FGD5: variants seen among roughly 807,000 people sequenced by gnomAD.
FGD5 encodes the protein FYVE, RhoGEF and PH domain containing 5, also known as FYVE, RhoGEF and PH domain-containing protein 5.
In FGD5, 28 loss-of-function variants were observed where a neutral mutation model predicts 133.4. The ratio of observed to expected loss-of-function variants is 0.21; its 90% CI spans 0.16 to 0.29. The LOEUF is 0.29. Among genes scored for constraint, FGD5 ranks in the 10% least tolerant of loss-of-function variants. The pLI, the probability that FGD5 is intolerant of heterozygous loss-of-function variation, is 1.00. For missense variants in FGD5, 1,858 were observed against 1,895.2 expected (o/e 0.98, Z 0.36); for synonymous variants, 810 against 776.5 (o/e 1.04, Z -0.72).
chr3:14,884,780 C>T lies in FGD5; in HGVS notation c.2748+4008C>T, dbSNP rs145669492. Among the ~76,000 whole-genome samples, 234 of 152,180 alleles carry T rather than the reference C, an allele frequency of 1.5e-3. 1 individual carries two copies. The highest frequency in any genetic ancestry group is 5.2e-3 in the African/African-American group (215 of 41,516). On this transcript the variant is annotated intron_variant, in intron 4 of 19. Coordinates refer to ENST00000285046, the MANE Select transcript of FGD5 (RefSeq NM_152536.4). The stretch of plus-strand genomic sequence containing the variant: ...CCGGAGGTGTCTTCATGTAGGCAGC[C>T]GAAGGCCCATGGGAAGTGACCAACT...
At chr3:14,872,549 T>C (rs1026075131) in intron 2 of FGD5, among the ~76,000 whole-genome samples, 1 of 152,170 alleles carries the variant, frequency 6.6e-6, no homozygotes, top group South Asian at 2.1e-4. Context: ...CAAGTTTACA[T>C]ATTCAGCAAA....
At chr3:14,853,522 G>A (rs2037207849) in intron 1 of FGD5, among the ~76,000 whole-genome samples, 1 of 151,972 alleles carries the variant, frequency 6.6e-6, no homozygotes, top group Non-Finnish European at 1.5e-5. Context: ...TCTCGGAGGG[G>A]CTGGGAGAAG....
chr3:14,909,487 T>C (rs187382671), intron 10 of FGD5, among the ~76,000 whole-genome samples: 1 of 152,338 alleles, frequency 6.6e-6, no homozygotes, highest in African/African-American at 2.4e-5. Flanking sequence ...TGGTTAGTAA[T>C]TGTATGCGCC....
At chr3:14,916,097 C>G (rs2038548606) in intron 11 of FGD5, among the ~76,000 whole-genome samples, 1 of 152,300 alleles carries the variant, frequency 6.6e-6, no homozygotes, top group South Asian at 2.1e-4. Flanking sequence ...GTTTAGTGGG[C>G]TTATTCTGGT....
At position 14,897,039 on chromosome 3, in the gene FGD5, T is replaced by C. The variant is rs182387576; in HGVS notation, c.2749-470T>C. On this transcript the variant is annotated intron_variant, in intron 4 of 19. Transcript: ENST00000285046. ...AATATTTCTACATAGCCACCACCTT[T>C]ATCATTTTTAGTGACAGCTTAATAT... The C allele has an allele frequency of 7.3e-4, 119 of 164,076 alleles. 1 individual carries two copies. The highest frequency in any genetic ancestry group is 2.6e-3 in the African/African-American group (107 of 41,644). 10.2% of individuals were successfully genotyped at this position (164,076 alleles called of 1,614,324 possible).
rs148628720 is a variant in FGD5, at chr3:14,848,748, C to A, written c.2526-15380C>A. 6.0e-3 allele frequency among the ~76,000 whole-genome samples: 910 copies of A among 152,278 alleles called. 12 individuals are homozygous for A. Among genetic ancestry groups the A allele is most frequent in the African/African-American group, 0.021 (872 of 41,552 alleles). On this transcript the variant is annotated intron_variant, in intron 1 of 19. Coordinates refer to ENST00000285046, the MANE Select transcript of FGD5 (RefSeq NM_152536.4). ...GCAAGTGTAGGACCTAAAGCTTCAGCCCCATTAGCTTAGCTAGTAGTCAGG... is the reference window on the plus strand; with the variant it reads ...GCAAGTGTAGGACCTAAAGCTTCAGACCCATTAGCTTAGCTAGTAGTCAGG...
chr3:14,877,198 C>T (rs1427054736), intron 2 of FGD5, among the ~76,000 whole-genome samples: 1 of 152,248 alleles, frequency 6.6e-6, no homozygotes, highest in Non-Finnish European at 1.5e-5. Context: ...ATTAAATGGC[C>T]CAGTTGGGCA....
At chr3:14,897,776 A>G in intron 5 of FGD5, 107 bp downstream of exon 5, 1 of 1,458,646 alleles carries the variant, frequency 6.9e-7, no homozygotes. Context: ...TTGATGGGAA[A>G]GCCGAACTCC....
intron 18 of FGD5, 109 bp downstream of exon 18, chr3:14,926,307 C>T (rs2038802256): frequency 1.4e-6 from 2 of 1,461,062 alleles, no homozygotes; most frequent in Non-Finnish European, 1.9e-6. Flanking sequence ...GGCTGCTGAG[C>T]CAGTTCTGGT....
rs769271875 is a variant in FGD5, at chr3:14,819,701, C to T, written c.630C>T (p.Pro210=). The T allele has an allele frequency of 1.8e-5, 28 of 1,537,016 alleles. No homozygotes were observed. The Middle Eastern group carries it at 5.1e-4, about 28-fold the overall frequency. The part of the protein sequence containing the change: ...HGEDQEPPDT[P]GEAEEDDEEG... Reference sequence around the variant, plus strand: ...AGGACCAGGAGCCCCCCGACACCCCCGGGGAGGCAGAGGAGGATGATGAGG... The same window carrying T: ...AGGACCAGGAGCCCCCCGACACCCCTGGGGAGGCAGAGGAGGATGATGAGG... The change falls in exon 1 of 20, where the codon CCC becomes CCT. Residue 210 remains proline (P), a synonymous_variant. Transcript: ENST00000285046. The surrounding 1 kb of genome is among the most constrained non-coding windows in gnomAD (Gnocchi z 4.1).
chr3:14,923,033 C>T lies in FGD5; in HGVS notation c.3808-13C>T. ...ACTGAGAGGGGTGAGAATCTTCCCACCTGGGCCTGCAGATCGTGTGCCGGA... is the reference window on the plus strand; with the variant it reads ...ACTGAGAGGGGTGAGAATCTTCCCATCTGGGCCTGCAGATCGTGTGCCGGA... On this transcript the variant is annotated splice_polypyrimidine_tract_variant and intron_variant, in intron 15 of 19. Coordinates refer to ENST00000285046, the MANE Select transcript of FGD5 (RefSeq NM_152536.4). The T allele has an allele frequency of 6.2e-7, 1 of 1,613,752 alleles. No homozygotes were observed. Among genetic ancestry groups the T allele is most frequent in the Non-Finnish European group, 8.5e-7 (1 of 1,179,806 alleles).
rs370992881 is a variant in FGD5 at position 14,820,987 on chromosome 3, A to G, written c.1916A>G (p.Glu639Gly). Residue 639 changes from glutamate to glycine, a missense_variant, in exon 1 of 20, where the codon GAG (glutamate) becomes GGG (glycine). Physicochemically the swap from Glu to Gly is moderately conservative, Grantham distance 98. Around this residue, in one of 3 missense-constraint regions of FGD5, gnomAD observed 1,824 missense variants for 1,848.9 expected, o/e 0.99. Coordinates refer to ENST00000285046, the MANE Select transcript of FGD5 (RefSeq NM_152536.4). ...ITKSSPSLLI[E>G]SDSPDKYKKK... Reference sequence around the variant, plus strand: ...AAGAGCTCTCCCTCACTCCTGATCGAGAGCGACTCCCCGGACAAGTACAAG... The same window carrying G: ...AAGAGCTCTCCCTCACTCCTGATCGGGAGCGACTCCCCGGACAAGTACAAG... The G allele has an allele frequency of 1.5e-5, 25 of 1,613,774 alleles. No homozygotes were observed. The Middle Eastern group carries it at 1.3e-3, about 85-fold the overall frequency.
intron 2 of FGD5, among the ~76,000 whole-genome samples, chr3:14,877,402 A>G (rs1000667123): frequency 6.6e-6 from 1 of 152,110 alleles, no homozygotes; most frequent in Non-Finnish European, 1.5e-5. Flanking sequence ...GGACCCTACC[A>G]AAAGCCTGTC....
In FGD5 at chr3:14,819,819, A is replaced by T. The variant is rs1233583032; in HGVS notation, c.748A>T (p.Ser250Cys). 6.3e-7 allele frequency: 1 copy of T among 1,598,340 alleles called. No homozygotes were observed. Among genetic ancestry groups the T allele is most frequent in the East Asian group, 2.3e-5 (1 of 44,286 alleles). Reference protein sequence around the residue: ...EDMGQDAEDTSEEPPEKEELA... With the variant: ...EDMGQDAEDTCEEPPEKEELA... The stretch of plus-strand genomic sequence containing the variant: ...CATGGGACAGGATGCTGAGGACACC[A>T]GTGAGGAGCCCCCTGAGAAGGAGGA... Residue 250 changes from serine (S) to cysteine (C), a missense_variant, in exon 1 of 20, where the codon AGT (serine) becomes TGT (cysteine). Around this residue, in one of 3 missense-constraint regions of FGD5, gnomAD observed 1,824 missense variants for 1,848.9 expected, o/e 0.99. Transcript: ENST00000285046. The surrounding 1 kb of genome is among the most constrained non-coding windows in gnomAD (Gnocchi z 4.1).
intron 2 of FGD5, among the ~76,000 whole-genome samples, chr3:14,878,560 C>T (rs1429419873): frequency 6.6e-6 from 1 of 152,144 alleles, no homozygotes; most frequent in East Asian, 1.9e-4. Flanking sequence ...GTGAGAGATT[C>T]TCTATATAGA....
chr3:14,822,713 C>T (rs1200494528), intron 1 of FGD5, among the ~76,000 whole-genome samples: 1 of 152,110 alleles, frequency 6.6e-6, no homozygotes, highest in Non-Finnish European at 1.5e-5. Context: ...TTTGGGGGCA[C>T]CTGATCTGAA....
intron 1 of FGD5, among the ~76,000 whole-genome samples, chr3:14,850,179 G>A (rs1468443307): frequency 1.3e-5 from 2 of 152,202 alleles, no homozygotes; most frequent in Non-Finnish European, 2.9e-5. Flanking sequence ...GGAGAAAGAT[G>A]CGTCTGAGTT....
intron 4 of FGD5, among the ~76,000 whole-genome samples, chr3:14,892,687 C>T (rs764231517): frequency 8.5e-5 from 13 of 152,118 alleles, no homozygotes; most frequent in Non-Finnish European, 1.3e-4. Flanking sequence ...GGCGTGGCAG[C>T]AGGTGCCTGT....
intron 8 of FGD5, 27 bp downstream of exon 8, chr3:14,900,480 G>A (rs2038217514): frequency 1.2e-6 from 2 of 1,611,364 alleles, no homozygotes; most frequent in Non-Finnish European, 1.7e-6. Flanking sequence ...TGCGGAGGGA[G>A]GTACTCAAGC....
Sources: gnomAD v4.1 joint callset for allele counts (sites outside exome capture counted in the v4.1 genomes callset) on GRCh38, gnomAD v4.1.1 for gene constraint, gnomAD v4.1.1 regional missense constraint, Gnocchi (gnomAD v3.1) non-coding constraint, MANE v1.5 for transcripts, NCBI Gene and HGNC (gene_info 2026-07-23, HGNC 2026-07-21) for gene names.